SYNPO2: variants seen among roughly 807,000 people sequenced by gnomAD.
SYNPO2 encodes the protein synaptopodin-2.
A neutral mutation model predicts 85.0 loss-of-function variants in SYNPO2; 56 were observed. That is an observed-to-expected ratio of 0.66 (90% CI 0.53 to 0.82). The LOEUF (loss-of-function observed/expected upper bound fraction) is 0.82, where lower values mean the gene tolerates loss of function less well. Ranked by LOEUF, SYNPO2 falls within the 40% of genes least tolerant of loss-of-function variation. SYNPO2 has a pLI of 0.00. For missense variants in SYNPO2, 1,575 were observed against 1,534.2 expected (o/e 1.03, Z -0.44); for synonymous variants, 602 against 591.1 (o/e 1.02, Z -0.27).
chr4:118,914,053 T>C (rs7654417), intron 1 of SYNPO2, among the ~76,000 whole-genome samples: 31,255 of 151,894 alleles, frequency 0.21, 3,416 homozygotes, highest in African/African-American at 0.29. Context: ...GGAAGAAACA[T>C]AGACAAATTA....
chr4:118,889,089 G>T lies in SYNPO2; in HGVS notation c.53G>T (p.Gly18Val). ...CISMTGGAPW[G>V]FRLQGGKEQK... ...TCCATGACTGGAGGGGCGCCCTGGG[G>T]GTTCAGATTGCAAGGTGGCAAGGAG... Residue 18 changes from glycine to valine, a missense_variant, in exon 1 of 5, where the codon GGG (glycine) becomes GTG (valine). This residue lies in a region of SYNPO2 where 55 missense variants were observed against 55.5 expected (regional missense o/e 0.99). Transcript: ENST00000307142. 1 of 1,614,142 alleles carries T rather than the reference G, an allele frequency of 6.2e-7. No individual in the cohort carries two copies. Among genetic ancestry groups the T allele is most frequent in the Non-Finnish European group, 8.5e-7 (1 of 1,180,022 alleles).
chr4:119,007,314 A>C (rs1308760841), intron 1 of SYNPO2, among the ~76,000 whole-genome samples: 1 of 76,274 alleles, frequency 1.3e-5, no homozygotes, highest in East Asian at 4.0e-4. Context: ...ACACGCACAT[A>C]TAGGCATACT....
chr4:118,978,867 T>A (rs1735894727), intron 1 of SYNPO2, among the ~76,000 whole-genome samples: 1 of 151,806 alleles, frequency 6.6e-6, no homozygotes, highest in Non-Finnish European at 1.5e-5. Flanking sequence ...TGTAACCTTT[T>A]TATGTATAGG....
intron 1 of SYNPO2, among the ~76,000 whole-genome samples, chr4:118,916,321 C>T (rs949093113): frequency 6.6e-6 from 1 of 151,782 alleles, no homozygotes; most frequent in East Asian, 1.9e-4. Flanking sequence ...TAAAGGCACG[C>T]ACCACCACAC....
At chr4:119,024,089 A>T (rs1737841426) in intron 2 of SYNPO2, among the ~76,000 whole-genome samples, 1 of 152,212 alleles carries the variant, frequency 6.6e-6, no homozygotes, top group Non-Finnish European at 1.5e-5. Flanking sequence ...GGATGGACAA[A>T]AGCAGATGAT....
intron 1 of SYNPO2, among the ~76,000 whole-genome samples, chr4:118,956,149 G>A (rs1371135989): frequency 1.3e-5 from 2 of 152,130 alleles, no homozygotes; most frequent in African/African-American, 4.8e-5. Context: ...AGAGATTGGG[G>A]TTTTGAAGAC....
At chr4:119,039,507 A>G (rs1428341400) in intron 4 of SYNPO2, among the ~76,000 whole-genome samples, 1 of 152,186 alleles carries the variant, frequency 6.6e-6, no homozygotes. Context: ...AACAGGGTGC[A>G]TGGGGAAAAG....
At chr4:118,902,700 T>C (rs1732799681) in intron 1 of SYNPO2, among the ~76,000 whole-genome samples, 1 of 152,168 alleles carries the variant, frequency 6.6e-6, no homozygotes, top group Non-Finnish European at 1.5e-5. Context: ...ACAAATAATA[T>C]TAATCTTTTC....
chr4:119,035,714 C>A (rs963130563), intron 4 of SYNPO2: 125 of 984,090 alleles, frequency 1.3e-4, no homozygotes, highest in Non-Finnish European at 1.5e-4. Flanking sequence ...TTTAGCTATT[C>A]TAGAAAGTGC....
intron 1 of SYNPO2, among the ~76,000 whole-genome samples, chr4:118,938,586 A>T (rs1734194940): frequency 6.6e-6 from 1 of 152,156 alleles, no homozygotes; most frequent in Non-Finnish European, 1.5e-5. Flanking sequence ...TCAAATTAGA[A>T]CAGTGCTACA....
At chr4:119,009,351 G>T (rs1487250749) in intron 1 of SYNPO2, among the ~76,000 whole-genome samples, 1 of 152,038 alleles carries the variant, frequency 6.6e-6, no homozygotes, top group African/African-American at 2.4e-5. Flanking sequence ...AAAACAATAA[G>T]AAGCATATAG....
At chr4:119,038,763 A>G (rs1738616180) in intron 4 of SYNPO2, among the ~76,000 whole-genome samples, 1 of 152,216 alleles carries the variant, frequency 6.6e-6, no homozygotes, top group African/African-American at 2.4e-5. Flanking sequence ...AATCCCAGTC[A>G]GGACAGCAGT....
upstream of SYNPO2, among the ~76,000 whole-genome samples, chr4:118,886,382 C>G (rs11931472): frequency 6.6e-6 from 1 of 151,976 alleles, no homozygotes; most frequent in East Asian, 1.9e-4. Flanking sequence ...CGTTATGTGT[C>G]GTAATGCTCT....
intron 1 of SYNPO2, among the ~76,000 whole-genome samples, chr4:118,853,276 C>T (rs1050877267): frequency 5.9e-5 from 9 of 152,112 alleles, no homozygotes; most frequent in African/African-American, 1.7e-4. Flanking sequence ...AATTTATTTC[C>T]ATTGTGAATT....
At chr4:118,868,656 G>A (rs771982752) in intron 1 of SYNPO2, among the ~76,000 whole-genome samples, 2 of 152,158 alleles carry the variant, frequency 1.3e-5, no homozygotes, top group Non-Finnish European at 2.9e-5. Context: ...AATAGGAAGA[G>A]TGTAACTAGA....
chr4:118,878,151 A>G (rs1275284472), intron 1 of SYNPO2, among the ~76,000 whole-genome samples: 1 of 152,170 alleles, frequency 6.6e-6, no homozygotes, highest in African/African-American at 2.4e-5. Flanking sequence ...TGGGAGCTAA[A>G]CTTTGAGTAC....
intron 1 of SYNPO2, among the ~76,000 whole-genome samples, chr4:118,859,500 C>T (rs1390601474): frequency 6.6e-6 from 1 of 152,092 alleles, no homozygotes; most frequent in Non-Finnish European, 1.5e-5. Context: ...CTAGCAAATA[C>T]CAGGTCTTAT....
chr4:119,037,756 G>A (rs1738575293), intron 4 of SYNPO2: 1 of 554,820 alleles, frequency 1.8e-6, no homozygotes, highest in Non-Finnish European at 2.3e-6. Flanking sequence ...CCTGATTTGT[G>A]CTGAGTATCT....
intron 1 of SYNPO2, among the ~76,000 whole-genome samples, chr4:118,959,942 G>A (rs751444667): frequency 3.9e-5 from 6 of 152,122 alleles, no homozygotes; most frequent in Non-Finnish European, 7.4e-5. Context: ...ATTAATTAAG[G>A]AACTTGCGCT....
Sources: gnomAD v4.1 joint callset for allele counts (sites outside exome capture counted in the v4.1 genomes callset) on GRCh38, gnomAD v4.1.1 for gene constraint, gnomAD v4.1.1 regional missense constraint, MANE v1.5 for transcripts, NCBI Gene and HGNC (gene_info 2026-07-23, HGNC 2026-07-21) for gene names.